The following EPCAM variants were observed in gnomAD, a reference collection of about 807,000 sequenced individuals.
The protein encoded by EPCAM is epithelial cell adhesion molecule.
In EPCAM, 39 loss-of-function variants were observed where a neutral mutation model predicts 40.0. That is an observed-to-expected ratio of 0.98 (90% CI 0.76 to 1.27). The LOEUF is 1.27. EPCAM is among the 50% of genes most tolerant of loss of function. EPCAM has a pLI of 0.00. For missense variants in EPCAM, 503 were observed against 381.2 expected, an observed-to-expected ratio of 1.32 and a Z score of -2.66; for synonymous variants, 168 against 132.3, an observed-to-expected ratio of 1.27 and a Z score of -1.85.
At chr2:47,386,315 T>C (rs1023118190) in intron 8 of EPCAM, among the ~76,000 whole-genome samples, 1 of 152,110 alleles carries the variant, frequency 6.6e-6, no homozygotes, top group Admixed American at 6.6e-5. Context: ...AAAAATCTTA[T>C]TCTTAATGAT....
chr2:47,379,939 G>C lies in EPCAM; in HGVS notation c.828G>C (p.Val276=), dbSNP rs1573400459. The C allele has an allele frequency of 3.7e-6, 6 of 1,613,604 alleles. No homozygotes were observed. The highest frequency in any genetic ancestry group is 5.1e-6 in the Non-Finnish European group (6 of 1,179,708). ...TTATTGCTGTTATTGTGGTTGTGGT[G>C]ATAGCAGTTGTTGCTGGAATTGTTG... ...AGVIAVIVVV[V]IAVVAGIVVL... The change falls in exon 7 of 9, where the codon GTG becomes GTC. Residue 276 remains valine, a synonymous_variant. Coordinates refer to ENST00000263735, the MANE Select transcript of EPCAM (RefSeq NM_002354.3).
rs938734907 is a variant in EPCAM at position 47,369,591 on chromosome 2, G to A, written c.76+10G>A. ...GCCGCAGCTCAGGAAGGTGAGGCGCGGATTGGAGCAGAGTTGTGGAGCTGG... is the reference window on the plus strand; with the variant it reads ...GCCGCAGCTCAGGAAGGTGAGGCGCAGATTGGAGCAGAGTTGTGGAGCTGG... On this transcript the variant is annotated intron_variant, in intron 1 of 8. Transcript: ENST00000263735. 2 of 1,586,786 alleles carry A rather than the reference G, an allele frequency of 1.3e-6. No individual in the cohort carries two copies. The highest frequency in any genetic ancestry group is 1.8e-5 in the Admixed American group (1 of 54,980).
chr2:47,374,303 A>T (rs1251691742), intron 3 of EPCAM, among the ~76,000 whole-genome samples: 1 of 152,196 alleles, frequency 6.6e-6, no homozygotes, highest in Admixed American at 6.5e-5. Context: ...TTTTACATAA[A>T]TGATAGCATA....
rs945209717 is a variant in EPCAM, at chr2:47,376,145, A to G, written c.491+846A>G. Among the ~76,000 whole-genome samples the G allele has an allele frequency of 2.0e-5, 3 of 151,990 alleles. No homozygotes were observed. In the East Asian group the frequency reaches 5.8e-4, roughly 29 times the overall value. ...TGACTCTTTAGTCTCTTAATATCGA[A>G]CAGTTTCTTGGCCTTTCTTTGTCTT... On this transcript the variant is annotated intron_variant, in intron 4 of 8. Coordinates refer to ENST00000263735, the MANE Select transcript of EPCAM (RefSeq NM_002354.3).
At chr2:47,378,554 A>C (rs888067394) in intron 5 of EPCAM, among the ~76,000 whole-genome samples, 22 of 152,158 alleles carry the variant, frequency 1.4e-4, no homozygotes, top group African/African-American at 4.8e-4. Context: ...CGCCCACCTC[A>C]GCCTCCCAAA....
chr2:47,375,786 A>G (rs757143258), intron 4 of EPCAM, among the ~76,000 whole-genome samples: 67 of 151,708 alleles, frequency 4.4e-4, no homozygotes, highest in Admixed American at 4.3e-3. Context: ...GCTCACTGCA[A>G]CCTGCGCCTG....
chr2:47,373,808 T>G lies in EPCAM; in HGVS notation c.185T>G (p.Leu62Arg), dbSNP rs751695522. Residue 62 changes from leucine (L) to arginine (R), a missense_variant and splice_region_variant, in exon 3 of 9, where the codon CTG (leucine) becomes CGG (arginine). Physicochemically the swap from Leu to Arg is moderately radical, Grantham distance 102. Transcript: ENST00000263735. ...TTTGGCATTAAGGTTTCTTTTTCAG[T>G]GGCTGCCAAATGTTTGGTGATGAAG... ...GAQNTVICSKLAAKCLVMKAE... is the reference protein window; with the variant it reads ...GAQNTVICSKRAAKCLVMKAE... The G allele has an allele frequency of 6.2e-7, 1 of 1,614,126 alleles. No homozygotes were observed. The highest frequency in any genetic ancestry group is 8.5e-7 in the Non-Finnish European group (1 of 1,180,028).
chr2:47,384,220 C>T (rs1387925469), intron 7 of EPCAM, among the ~76,000 whole-genome samples: 1 of 151,784 alleles, frequency 6.6e-6, no homozygotes, highest in Non-Finnish European at 1.5e-5. Flanking sequence ...TCTCCTGCCT[C>T]AGCCTCCCGA....
At chr2:47,384,385 T>C (rs1671679911) in intron 7 of EPCAM, among the ~76,000 whole-genome samples, 1 of 151,376 alleles carries the variant, frequency 6.6e-6, no homozygotes. Context: ...ATTACAGGCA[T>C]GAGCCATCAT....
At chr2:47,384,914 C>G (rs1443578547) in intron 7 of EPCAM, among the ~76,000 whole-genome samples, 1 of 152,098 alleles carries the variant, frequency 6.6e-6, no homozygotes, top group African/African-American at 2.4e-5. Context: ...ACCGTGTTGG[C>G]TGGGCTGGTC....
chr2:47,386,420 C>CT (rs1671743703), intron 8 of EPCAM, 152 bp from the exon 9 acceptor site: 1 of 603,794 alleles, frequency 1.7e-6, no homozygotes, highest in South Asian at 2.7e-5. Flanking sequence ...TGCAATATAA[C>CT]TTTTTCTTTT....
chr2:47,377,206 C>G (rs1671450047), intron 5 of EPCAM, 129 bp downstream of exon 5: 2 of 741,002 alleles, frequency 2.7e-6, no homozygotes, highest in Non-Finnish European at 4.9e-6. Context: ...GATCTGGGTA[C>G]TTAATGTGAA....
intron 7 of EPCAM, chr2:47,383,440 A>T (rs1201084649): frequency 2.0e-5 from 3 of 150,076 alleles, no homozygotes; most frequent in African/African-American, 7.4e-5. Flanking sequence ...AGTAGCCGGG[A>T]CTACATGCAG....
chr2:47,385,756 TG>T (rs1272707153), intron 8 of EPCAM, among the ~76,000 whole-genome samples: 1 of 152,222 alleles, frequency 6.6e-6, no homozygotes, highest in African/African-American at 2.4e-5. Flanking sequence ...TAGTTGTATG[TG>T]GGCCACTTAC....
intron 5 of EPCAM, chr2:47,377,669 G>A: frequency 6.3e-6 from 2 of 318,778 alleles, no homozygotes; most frequent in South Asian, 5.3e-5. Flanking sequence ...CTGTCCCTGT[G>A]GATGAGCTCC....
At chr2:47,372,190 A>T (rs1488856438) in intron 1 of EPCAM, among the ~76,000 whole-genome samples, 1 of 152,194 alleles carries the variant, frequency 6.6e-6, no homozygotes, top group African/African-American at 2.4e-5. Flanking sequence ...TTGAAAGTGT[A>T]ATTTTTCCAA....
rs181767423 is a variant in EPCAM, at chr2:47,370,817, G to A, written c.76+1236G>A. Among the ~76,000 whole-genome samples the A allele has an allele frequency of 4.1e-4, 63 of 152,132 alleles. 1 individual carries two copies. The East Asian group carries it at 9.5e-3, about 23-fold the overall frequency. On this transcript the variant is annotated intron_variant, in intron 1 of 8. Coordinates refer to ENST00000263735, the MANE Select transcript of EPCAM (RefSeq NM_002354.3). ...GCGATCTCATCTCACTGCAATTCAG[G>A]CGATTCTCCTGCCTCAGCCTCCCGA...
chr2:47,381,139 G>C (rs1470282127), intron 7 of EPCAM, among the ~76,000 whole-genome samples: 5 of 139,592 alleles, frequency 3.6e-5, no homozygotes, highest in Non-Finnish European at 6.1e-5. Context: ...GCTCATGCCT[G>C]TAATCCCAGC....
At chr2:47,379,733 A>C in intron 6 of EPCAM, 36 bp from the exon 7 acceptor site, 2 of 1,609,044 alleles carry the variant, frequency 1.2e-6, no homozygotes, top group Non-Finnish European at 1.7e-6. Context: ...TGGTTTCCTT[A>C]AATATTTTTA....
Sources: allele counts gnomAD v4.1 joint callset (sites outside exome capture counted in the v4.1 genomes callset), GRCh38; gene constraint gnomAD v4.1.1; transcripts MANE v1.5; gene names NCBI Gene and HGNC (gene_info 2026-07-23, HGNC 2026-07-21).